Variants in GPHN observed in about 807,000 individuals in gnomAD.
The protein encoded by GPHN is gephyrin.
A neutral mutation model predicts 95.5 loss-of-function variants in GPHN; 17 were observed. The observed-to-expected ratio is 0.18, with a 90% CI of 0.12 to 0.27. GPHN has a LOEUF of 0.27. GPHN is among the 10% of genes least tolerant of loss of function. The pLI is 1.00. For synonymous variants in GPHN, 320 were observed against 322.5 expected, an observed-to-expected ratio of 0.99 and a Z score of 0.08; for missense variants, 660 against 978.1, an observed-to-expected ratio of 0.67 and a Z score of 4.34.
chr14:67,579,900 C>G, the GPHN span: 4 of 1,575,498 alleles, frequency 2.5e-6, no homozygotes, highest in Non-Finnish European at 3.4e-6. Context: ...ACTAAGCCAG[C>G]TGAGCCCCTC....
chr14:67,572,337 C>G, the GPHN span: 2 of 1,477,414 alleles, frequency 1.4e-6, no homozygotes, highest in East Asian at 4.9e-5. Flanking sequence ...GCTGCTGGGG[C>G]CCTCAGCACA....
chr14:67,290,173 T>C, the GPHN span, among the ~76,000 whole-genome samples: 75 of 152,284 alleles, frequency 4.9e-4, no homozygotes, highest in African/African-American at 1.7e-3. Context: ...AAAATCTCAA[T>C]AGGACTTTTC....
chr14:67,344,900 C>A, the GPHN span, among the ~76,000 whole-genome samples: 4 of 146,608 alleles, frequency 2.7e-5, no homozygotes, highest in East Asian at 2.1e-4. Context: ...AACAAACAAA[C>A]AAACAAAAAA....
At chr14:66,540,366 T>C (rs1051513286) in intron 1 of GPHN, among the ~76,000 whole-genome samples, 1 of 152,196 alleles carries the variant, frequency 6.6e-6, no homozygotes, top group African/African-American at 2.4e-5. Context: ...GTTACTCTTA[T>C]GGGAGTGCTG....
At chr14:66,885,851 AAGC>A (rs1221447649) in intron 5 of GPHN, among the ~76,000 whole-genome samples, 7 of 151,704 alleles carry the variant, frequency 4.6e-5, no homozygotes, top group Admixed American at 1.3e-4. Flanking sequence ...AAAAAAAAAA[AAGC>A]AAACCCTAGG....
At chr14:67,619,886 G>A in the GPHN span, 8 of 855,990 alleles carry the variant, frequency 9.3e-6, no homozygotes, top group East Asian at 3.3e-5. Context: ...ACGCTGGCGC[G>A]GGTAGGTAAG....
chr14:67,073,450 A>AT lies in GPHN; in HGVS notation c.1144+14669dup, dbSNP rs544148788. Among the ~76,000 whole-genome samples, 127 of 152,262 alleles carry AT rather than the reference A, an allele frequency of 8.3e-4. 1 individual carries two copies. The highest frequency in any genetic ancestry group is 1.2e-3 in the Non-Finnish European group (82 of 67,966). On this transcript the variant is annotated intron_variant, in intron 11 of 22. Transcript: ENST00000478722. ...CTGTGACCTCAAGGACATTTTAGATATTTTTAAAAATTATTCTTCCTAAAA... is the reference window on the plus strand; with the variant it reads ...CTGTGACCTCAAGGACATTTTAGATATTTTTTAAAAATTATTCTTCCTAAAA...
At chr14:67,216,302 T>G in the GPHN span, among the ~76,000 whole-genome samples, 2 of 152,194 alleles carry the variant, frequency 1.3e-5, no homozygotes, top group African/African-American at 4.8e-5. Context: ...TTTTTTGTCA[T>G]GTCCTTGTCT....
intron 2 of GPHN, among the ~76,000 whole-genome samples, chr14:66,763,903 T>C (rs2058857510): frequency 6.6e-6 from 1 of 152,082 alleles, no homozygotes; most frequent in African/African-American, 2.4e-5. Flanking sequence ...CAAACCCTAT[T>C]GTGAACTGCA....
At chr14:67,436,623 G>A in the GPHN span, among the ~76,000 whole-genome samples, 1,465 of 152,282 alleles carry the variant, frequency 9.6e-3, 16 homozygotes, top group Non-Finnish European at 0.014. Context: ...TCTGGCACCC[G>A]ATAATCTCAC....
the GPHN span, among the ~76,000 whole-genome samples, chr14:67,287,666 C>G: frequency 2.0e-5 from 3 of 152,086 alleles, no homozygotes; most frequent in Non-Finnish European, 4.4e-5. Flanking sequence ...GTGTTAAATG[C>G]TTTTGTTATC....
the GPHN span, chr14:67,412,070 G>T: frequency 6.5e-7 from 1 of 1,537,322 alleles, no homozygotes; most frequent in African/African-American, 1.4e-5. Context: ...GTCGCCGCCC[G>T]CACGCCAGGG....
chr14:67,180,655 C>A, intron 22 of GPHN, 149 bp from the exon 23 acceptor site: 2 of 710,484 alleles, frequency 2.8e-6, no homozygotes, highest in Non-Finnish European at 2.5e-6. Context: ...ATAGCATGGC[C>A]ACCTGAAAAA....
the GPHN span, among the ~76,000 whole-genome samples, chr14:67,363,272 G>A: frequency 6.6e-6 from 1 of 151,506 alleles, no homozygotes; most frequent in South Asian, 2.1e-4. Context: ...GGTGGGTAAG[G>A]CCATTGAATG....
At chr14:66,933,197 A>G (rs1277066464) in intron 8 of GPHN, among the ~76,000 whole-genome samples, 1 of 152,230 alleles carries the variant, frequency 6.6e-6, no homozygotes, top group South Asian at 2.1e-4. Flanking sequence ...CTGGGCATCT[A>G]TCTATACAGT....
At chr14:67,664,498 A>ATTTTT in the GPHN span, among the ~76,000 whole-genome samples, 1 of 147,066 alleles carries the variant, frequency 6.8e-6, no homozygotes. Context: ...CTAAAGAGCA[A>ATTTTT]TTTTTTTTTT....
At chr14:67,288,262 AG>A in the GPHN span, among the ~76,000 whole-genome samples, 1 of 152,062 alleles carries the variant, frequency 6.6e-6, no homozygotes, top group Non-Finnish European at 1.5e-5. Context: ...TTGTATTTTC[AG>A]TAGAGACGGG....
At chr14:66,900,462 T>A (rs1276762065) in intron 5 of GPHN, among the ~76,000 whole-genome samples, 7 of 151,664 alleles carry the variant, frequency 4.6e-5, no homozygotes, top group Non-Finnish European at 8.8e-5. Context: ...CTTTTTTTTT[T>A]AATCTATCTA....
At chr14:67,570,361 G>A in the GPHN span, 70 of 900,408 alleles carry the variant, frequency 7.8e-5, no homozygotes, top group Admixed American at 1.7e-4. Flanking sequence ...TTATATTCCC[G>A]TAACGTCACT....
Sources: allele counts gnomAD v4.1 joint callset (sites outside exome capture counted in the v4.1 genomes callset), GRCh38; gene constraint gnomAD v4.1.1; transcripts MANE v1.5; gene names NCBI Gene and HGNC (gene_info 2026-07-23, HGNC 2026-07-21).